The following KCNMA1 variants were observed in gnomAD, a reference collection of about 807,000 sequenced individuals.
KCNMA1 encodes the protein potassium calcium-activated channel subfamily M alpha 1.
In KCNMA1, 29 loss-of-function variants were observed where a neutral mutation model predicts 140.0. The ratio of observed to expected loss-of-function variants is 0.21; its 90% CI spans 0.15 to 0.28. The LOEUF is 0.28. Among genes scored for constraint, KCNMA1 ranks in the 10% least tolerant of loss-of-function variants. The probability of loss-of-function intolerance (pLI) is 1.00; values close to 1 mark genes in which losing one functional copy is unlikely to be tolerated. For missense variants in KCNMA1, 880 were observed against 1,602.2 expected, an observed-to-expected ratio of 0.55 and a Z score of 7.70; for synonymous variants, 612 against 611.9, an observed-to-expected ratio of 1.00 and a Z score of 0.00.
chr10:77,471,265 AAC>A (rs1186880364), intron 1 of KCNMA1, among the ~76,000 whole-genome samples: 2 of 149,486 alleles, frequency 1.3e-5, no homozygotes, highest in Non-Finnish European at 3.0e-5. Context: ...ACGCACATAC[AAC>A]ACACAATACA....
chr10:77,485,851 G>C (rs1438632893), intron 1 of KCNMA1, among the ~76,000 whole-genome samples: 1 of 152,058 alleles, frequency 6.6e-6, no homozygotes, highest in Non-Finnish European at 1.5e-5. Context: ...ATGAGATATA[G>C]GGTGACCAAC....
intron 2 of KCNMA1, among the ~76,000 whole-genome samples, chr10:77,264,806 T>C (rs893525459): frequency 6.6e-6 from 1 of 152,132 alleles, no homozygotes; most frequent in African/African-American, 2.4e-5. Context: ...CCATCCCTCA[T>C]CCACTCCATC....
chr10:77,184,649 C>G (rs2098833219), intron 4 of KCNMA1, among the ~76,000 whole-genome samples, 174 bp downstream of exon 4: 1 of 152,282 alleles, frequency 6.6e-6, no homozygotes, highest in Non-Finnish European at 1.5e-5. Context: ...GATGTGAATT[C>G]CAGAAAATGC....
In KCNMA1 at chr10:77,035,632, A is replaced by T. The variant is rs1926701; in HGVS notation, c.1859+3896T>A. On this transcript the variant is annotated intron_variant, in intron 15 of 27. Transcript: ENST00000286628. ...TTGGCACAATGGTGCACATATCCCA[A>T]TTCATTAAATATCTGATTAATCGGT... 8.3e-3 allele frequency among the ~76,000 whole-genome samples: 1,271 copies of T among 152,362 alleles called. 20 individuals are homozygous for T. Among genetic ancestry groups the T allele is most frequent in the African/African-American group, 0.029 (1,215 of 41,582 alleles).
At chr10:77,451,982 A>G (rs1457526) in intron 1 of KCNMA1, among the ~76,000 whole-genome samples, 6,761 of 152,298 alleles carry the variant, frequency 0.044, 396 homozygotes, top group African/African-American at 0.13. Context: ...TTCCTCCTGC[A>G]AACTTTGCTA....
At chr10:77,244,976 A>T (rs370707699) in intron 3 of KCNMA1, among the ~76,000 whole-genome samples, 1 of 151,906 alleles carries the variant, frequency 6.6e-6, no homozygotes, top group East Asian at 1.9e-4. Context: ...CGTTCTGAAC[A>T]TCCTGCCCTT....
At chr10:77,370,138 T>C (rs1467306592) in intron 2 of KCNMA1, among the ~76,000 whole-genome samples, 1 of 152,194 alleles carries the variant, frequency 6.6e-6, no homozygotes, top group Non-Finnish European at 1.5e-5. Context: ...GAAGTGTTGA[T>C]GTAGATAAAA....
chr10:77,481,002 C>T (rs1388177264), intron 1 of KCNMA1, among the ~76,000 whole-genome samples: 2 of 150,946 alleles, frequency 1.3e-5, no homozygotes, highest in East Asian at 3.9e-4. Flanking sequence ...CGCCTGTAAT[C>T]CCAGCTACTT....
intron 21 of KCNMA1, among the ~76,000 whole-genome samples, chr10:76,952,428 G>A (rs956642059): frequency 3.3e-5 from 5 of 152,202 alleles, no homozygotes; most frequent in African/African-American, 1.2e-4. Flanking sequence ...GCTGAGGCAG[G>A]AGAATCGCTT....
chr10:77,636,317 G>T, intron 1 of KCNMA1: 1 of 1,512,920 alleles, frequency 6.6e-7, no homozygotes, highest in Non-Finnish European at 8.8e-7. Flanking sequence ...AGACCAGGCA[G>T]TGAGCCTAGC....
At chr10:77,082,169 C>G (rs1259873284) in intron 12 of KCNMA1, among the ~76,000 whole-genome samples, 2 of 151,692 alleles carry the variant, frequency 1.3e-5, no homozygotes, top group Non-Finnish European at 2.9e-5. Flanking sequence ...ACTGGGATTA[C>G]AGGCACACAC....
At chr10:76,975,815 A>T (rs1441821832) in intron 19 of KCNMA1, among the ~76,000 whole-genome samples, 1 of 152,282 alleles carries the variant, frequency 6.6e-6, no homozygotes, top group South Asian at 2.1e-4. Flanking sequence ...ATCGTGGCTA[A>T]TATTTTCTTT....
chr10:77,489,637 C>A (rs2154539435), intron 1 of KCNMA1, among the ~76,000 whole-genome samples: 1 of 152,310 alleles, frequency 6.6e-6, no homozygotes, highest in East Asian at 1.9e-4. Flanking sequence ...CCGCGCCTGG[C>A]CTGGACAACC....
chr10:77,336,840 G>A (rs1048056846), intron 2 of KCNMA1, among the ~76,000 whole-genome samples: 6 of 152,178 alleles, frequency 3.9e-5, no homozygotes, highest in Non-Finnish European at 8.8e-5. Flanking sequence ...TGTAAAATGG[G>A]ACTAACAATA....
At chr10:77,357,343 A>G (rs2093583130) in intron 2 of KCNMA1, among the ~76,000 whole-genome samples, 1 of 152,216 alleles carries the variant, frequency 6.6e-6, no homozygotes, top group Non-Finnish European at 1.5e-5. Flanking sequence ...GCACCCATGG[A>G]CCCTGGGACA....
At chr10:77,614,925 GT>G (rs2088784281) in intron 1 of KCNMA1, among the ~76,000 whole-genome samples, 1 of 152,210 alleles carries the variant, frequency 6.6e-6, no homozygotes, top group Admixed American at 6.5e-5. Flanking sequence ...CCAAATGCCT[GT>G]GGCAGAATAA....
chr10:76,975,875 T>A (rs930979839), intron 19 of KCNMA1, among the ~76,000 whole-genome samples: 4 of 152,206 alleles, frequency 2.6e-5, no homozygotes, highest in Non-Finnish European at 5.9e-5. Context: ...AGTGGTGTTA[T>A]CTTAGTTCAC....
chr10:77,555,057 T>TACACACACACACACAC (rs111952376), intron 1 of KCNMA1, among the ~76,000 whole-genome samples: 2 of 151,534 alleles, frequency 1.3e-5, no homozygotes, highest in Non-Finnish European at 2.9e-5. Flanking sequence ...TCTTACCACA[T>TACACACACACACACAC]ACACACACGC....
chr10:77,075,313 A>G (rs988245919), intron 13 of KCNMA1, among the ~76,000 whole-genome samples: 2 of 152,210 alleles, frequency 1.3e-5, no homozygotes, highest in African/African-American at 4.8e-5. Context: ...TAGAGAACAC[A>G]TTGGTATAAC....
Sources: gnomAD v4.1 joint callset for allele counts (sites outside exome capture counted in the v4.1 genomes callset) on GRCh38, gnomAD v4.1.1 for gene constraint, MANE v1.5 for transcripts, NCBI Gene and HGNC (gene_info 2026-07-23, HGNC 2026-07-21) for gene names.